Variants in CACNB2 observed in about 807,000 individuals in gnomAD.
CACNB2 encodes the protein calcium voltage-gated channel auxiliary subunit beta 2.
A neutral mutation model predicts 73.3 loss-of-function variants in CACNB2; 42 were observed. The observed-to-expected ratio is 0.57, with a 90% CI of 0.45 to 0.74. CACNB2 has a LOEUF of 0.74. Ranked by LOEUF, CACNB2 falls within the 30% of genes least tolerant of loss-of-function variation. The probability of loss-of-function intolerance (pLI) is 0.00; values close to 1 mark genes in which losing one functional copy is unlikely to be tolerated. For synonymous variants in CACNB2, 348 were observed against 310.3 expected (o/e 1.12, Z -1.28); for missense variants, 940 against 853.0 (o/e 1.10, Z -1.27).
intron 6 of CACNB2, among the ~76,000 whole-genome samples, chr10:18,508,755 T>C (rs7092620): frequency 0.54 from 82,320 of 151,990 alleles, 22,831 homozygotes; most frequent in African/African-American, 0.65. Flanking sequence ...GTAAAAAGTC[T>C]GACGTCAAAC....
intron 3 of CACNB2, among the ~76,000 whole-genome samples, chr10:18,421,671 A>G (rs2045331711): frequency 6.6e-6 from 1 of 152,150 alleles, no homozygotes; most frequent in African/African-American, 2.4e-5. Context: ...TGAATATATG[A>G]TATGAATCTG....
chr10:18,356,147 C>T (rs568254092), intron 2 of CACNB2, among the ~76,000 whole-genome samples: 60 of 152,154 alleles, frequency 3.9e-4, no homozygotes, highest in Admixed American at 6.5e-4. Flanking sequence ...CCACCTTCCC[C>T]GCTGTAATAT....
At chr10:18,445,895 G>A (rs56949798) in intron 3 of CACNB2, among the ~76,000 whole-genome samples, 39,979 of 152,080 alleles carry the variant, frequency 0.26, 5,977 homozygotes, top group Middle Eastern at 0.42. Flanking sequence ...TTAGCTGGGC[G>A]TGGTGGCACA....
intron 1 of CACNB2, 29 bp from the exon 2 acceptor site, chr10:18,150,854 T>C (rs777051962): frequency 4.3e-6 from 5 of 1,158,192 alleles, no homozygotes; most frequent in Non-Finnish European, 6.1e-6. Context: ...ATCTTATTTG[T>C]CTTTTTTTTT....
rs550343375 is a variant in CACNB2 at position 18,186,106 on chromosome 10, C to A, written c.213+35131C>A. 4.6e-5 allele frequency among the ~76,000 whole-genome samples: 7 copies of A among 152,170 alleles called. No homozygotes were observed. In the South Asian group the frequency reaches 1.0e-3, roughly 23 times the overall value. ...GGGAATATAATTTTTCTTTATTAGACCATTCTCACATTACTATAAAGAAAT... is the reference window on the plus strand; with the variant it reads ...GGGAATATAATTTTTCTTTATTAGAACATTCTCACATTACTATAAAGAAAT... On this transcript the variant is annotated intron_variant, in intron 2 of 13. Coordinates refer to ENST00000324631, the MANE Select transcript of CACNB2 (RefSeq NM_201596.3).
chr10:18,410,580 T>C (rs901361431), intron 3 of CACNB2, among the ~76,000 whole-genome samples: 5 of 152,198 alleles, frequency 3.3e-5, no homozygotes, highest in African/African-American at 9.7e-5. Context: ...GAGAGAAATA[T>C]ACACATATGT....
intron 2 of CACNB2, among the ~76,000 whole-genome samples, chr10:18,236,040 T>G (rs1278825362): frequency 6.6e-6 from 1 of 152,182 alleles, no homozygotes; most frequent in East Asian, 1.9e-4. Context: ...GATTGTAAAT[T>G]TCCTGAGGCA....
intron 2 of CACNB2, among the ~76,000 whole-genome samples, chr10:18,229,246 A>G (rs2036133716): frequency 6.6e-6 from 1 of 152,236 alleles, no homozygotes; most frequent in South Asian, 2.1e-4. Context: ...GGCAATCTGA[A>G]GACTAAATCC....
At chr10:18,176,322 G>A (rs1177673747) in intron 2 of CACNB2, among the ~76,000 whole-genome samples, 1 of 152,168 alleles carries the variant, frequency 6.6e-6, no homozygotes, top group Non-Finnish European at 1.5e-5. Flanking sequence ...GAAGTTTACT[G>A]TTTTAATGAG....
At chr10:18,399,835 A>G (rs1323087150) in intron 2 of CACNB2, among the ~76,000 whole-genome samples, 2 of 152,180 alleles carry the variant, frequency 1.3e-5, no homozygotes, top group Non-Finnish European at 2.9e-5. Flanking sequence ...TAATAAGTAA[A>G]CTTTTAAAAT....
At chr10:18,265,202 G>T (rs1423492409) in intron 2 of CACNB2, among the ~76,000 whole-genome samples, 2 of 140,664 alleles carry the variant, frequency 1.4e-5, no homozygotes, top group African/African-American at 5.3e-5. Context: ...CCAGGCTGAA[G>T]CGTAGTGGCA....
At chr10:18,520,959 T>C (rs555997917) in intron 9 of CACNB2, among the ~76,000 whole-genome samples, 7 of 152,340 alleles carry the variant, frequency 4.6e-5, no homozygotes, top group African/African-American at 1.4e-4. Context: ...CATTCTCCCA[T>C]AATTAGACGA....
chr10:18,240,121 A>G (rs1444837326), intron 2 of CACNB2, among the ~76,000 whole-genome samples: 2 of 152,224 alleles, frequency 1.3e-5, no homozygotes, highest in Non-Finnish European at 2.9e-5. Flanking sequence ...AATAATAGAA[A>G]TGGTTCACGC....
intron 2 of CACNB2, among the ~76,000 whole-genome samples, chr10:18,188,224 TTGCC>T (rs145488243): frequency 1.3e-5 from 2 of 151,614 alleles, no homozygotes; most frequent in Admixed American, 6.6e-5. Flanking sequence ...TCCTTCCGTC[TTGCC>T]TGCCTGCCTG....
chr10:18,463,726 T>A (rs748442519), intron 3 of CACNB2, among the ~76,000 whole-genome samples: 2 of 152,022 alleles, frequency 1.3e-5, no homozygotes, highest in African/African-American at 2.4e-5. Context: ...CCACCGTGCC[T>A]GGCCCCAAGA....
At chr10:18,289,665 T>C (rs2038978911) in intron 2 of CACNB2, among the ~76,000 whole-genome samples, 1 of 152,034 alleles carries the variant, frequency 6.6e-6, no homozygotes, top group Admixed American at 6.6e-5. Context: ...TTTCAGCAAA[T>C]GGTAGCTATT....
Position 18,140,821 on chromosome 10 carries a change from G to T in CACNB2, c.85G>T (p.Val29Leu), listed in dbSNP as rs750972281. 4.4e-6 allele frequency: 7 copies of T among 1,604,328 alleles called. No homozygotes were observed. Among genetic ancestry groups the T allele is most frequent in the Admixed American group, 1.7e-5 (1 of 58,834 alleles). Reference protein sequence around the residue: ...QEIQMELLENVAPAGALGAAA... With the variant: ...QEIQMELLENLAPAGALGAAA... The stretch of plus-strand genomic sequence containing the variant: ...GATCCAGATGGAACTGCTAGAGAAC[G>T]TGGCTCCCGCGGGGGCGCTCGGAGC... Residue 29 changes from valine to leucine, a missense_variant, in exon 1 of 14, where the codon GTG (valine) becomes TTG (leucine). Val to Leu is a conservative substitution (Grantham distance 32, BLOSUM62 1). Transcript: ENST00000324631.
At chr10:18,418,675 C>G (rs2045141802) in intron 3 of CACNB2, among the ~76,000 whole-genome samples, 1 of 152,226 alleles carries the variant, frequency 6.6e-6, no homozygotes, top group African/African-American at 2.4e-5. Context: ...GCCAGTCCAG[C>G]TATTTCTGTA....
chr10:18,219,385 A>G (rs1326587813), intron 2 of CACNB2, among the ~76,000 whole-genome samples: 1 of 152,230 alleles, frequency 6.6e-6, no homozygotes, highest in African/African-American at 2.4e-5. Context: ...TTCAGTTTCC[A>G]TGTGCTGCTG....
Sources: allele counts gnomAD v4.1 joint callset (sites outside exome capture counted in the v4.1 genomes callset), GRCh38; gene constraint gnomAD v4.1.1; transcripts MANE v1.5; gene names NCBI Gene and HGNC (gene_info 2026-07-23, HGNC 2026-07-21).